Variants in COL19A1 observed in about 807,000 individuals in gnomAD.
The protein encoded by COL19A1 is collagen type XIX alpha 1 chain.
In COL19A1, 159 loss-of-function variants were observed where a neutral mutation model predicts 190.2. That is an observed-to-expected ratio of 0.84 (90% CI 0.73 to 0.95). The LOEUF (loss-of-function observed/expected upper bound fraction) is 0.95, where lower values mean the gene tolerates loss of function less well. Ranked by LOEUF, COL19A1 falls within the 40% of genes least tolerant of loss-of-function variation. The pLI, the probability that COL19A1 is intolerant of heterozygous loss-of-function variation, is 0.00. For missense variants in COL19A1, 1,418 were observed against 1,431.9 expected (o/e 0.99, Z 0.16); for synonymous variants, 509 against 458.9 (o/e 1.11, Z -1.39).
At chr6:69,971,391 C>T (rs3793033) in intron 11 of COL19A1, among the ~76,000 whole-genome samples, 1 of 151,904 alleles carries the variant, frequency 6.6e-6, no homozygotes, top group South Asian at 2.1e-4. Flanking sequence ...GTTGGAGTTT[C>T]CTGAAGAGTT....
At chr6:70,074,680 TAG>T (rs1781771387) in intron 15 of COL19A1, among the ~76,000 whole-genome samples, 1 of 152,156 alleles carries the variant, frequency 6.6e-6, no homozygotes, top group African/African-American at 2.4e-5. Context: ...GCTTGAATTT[TAG>T]AGAGGAGTCT....
At chr6:70,002,595 T>A (rs922015414) in intron 11 of COL19A1, among the ~76,000 whole-genome samples, 25 of 150,326 alleles carry the variant, frequency 1.7e-4, no homozygotes, top group Non-Finnish European at 3.4e-4. Context: ...GGGTGTTTTT[T>A]AAAATATATT....
At chr6:70,016,923 G>A (rs1452279070) in intron 11 of COL19A1, among the ~76,000 whole-genome samples, 5 of 151,962 alleles carry the variant, frequency 3.3e-5, no homozygotes, top group Admixed American at 3.3e-4. Context: ...AATGTAAAAT[G>A]GCACTTTGGA....
chr6:70,063,865 T>A (rs1487628305), intron 14 of COL19A1, among the ~76,000 whole-genome samples: 1 of 152,106 alleles, frequency 6.6e-6, no homozygotes, highest in Non-Finnish European at 1.5e-5. Flanking sequence ...GGAAATAAAC[T>A]AGAAAATCTA....
chr6:70,121,995 G>T, intron 17 of COL19A1, 53 bp downstream of exon 17: 2 of 1,210,292 alleles, frequency 1.7e-6, no homozygotes, highest in Non-Finnish European at 2.3e-6. Flanking sequence ...TTATATGATT[G>T]TATTTTTGAA....
chr6:70,118,469 C>T (rs1257329145), intron 16 of COL19A1, among the ~76,000 whole-genome samples: 1 of 152,094 alleles, frequency 6.6e-6, no homozygotes, highest in African/African-American at 2.4e-5. Context: ...TCCTTCGGAC[C>T]GCTAGGAGAG....
chr6:70,029,001 T>C (rs923266378), intron 12 of COL19A1, among the ~76,000 whole-genome samples: 1 of 152,180 alleles, frequency 6.6e-6, no homozygotes, highest in African/African-American at 2.4e-5. Context: ...TTTCTGAATC[T>C]ATATTATGGT....
intron 9 of COL19A1, among the ~76,000 whole-genome samples, chr6:69,951,750 C>T (rs1284854382): frequency 3.3e-5 from 5 of 151,812 alleles, no homozygotes; most frequent in Non-Finnish European, 7.4e-5. Context: ...CCTTACAACA[C>T]CCCTGTGAGG....
intron 2 of COL19A1, among the ~76,000 whole-genome samples, chr6:69,891,900 A>AT: frequency 6.6e-6 from 1 of 152,270 alleles, no homozygotes; most frequent in Admixed American, 6.5e-5. Context: ...CCTAAGATCC[A>AT]TTTTTCTATC....
At chr6:70,020,268 C>T (rs1225738845) in intron 11 of COL19A1, among the ~76,000 whole-genome samples, 1 of 151,920 alleles carries the variant, frequency 6.6e-6, no homozygotes, top group African/African-American at 2.4e-5. Flanking sequence ...ATATTTTCCC[C>T]CAATTTGTTA....
chr6:70,206,018 T>C (rs1251605344), intron 49 of COL19A1, among the ~76,000 whole-genome samples: 1 of 152,220 alleles, frequency 6.6e-6, no homozygotes, highest in Admixed American at 6.5e-5. Context: ...ATGTTTATAG[T>C]TGATCATTTG....
chr6:70,175,681 A>C (rs967039211), intron 41 of COL19A1, among the ~76,000 whole-genome samples: 18 of 151,974 alleles, frequency 1.2e-4, no homozygotes, highest in African/African-American at 4.1e-4. Context: ...CTTTATTATT[A>C]TTCTTTTAAT....
At chr6:70,115,820 G>GTTTTTTT (rs1562188351) in intron 16 of COL19A1, among the ~76,000 whole-genome samples, 3 of 78,716 alleles carry the variant, frequency 3.8e-5, no homozygotes, top group African/African-American at 1.9e-4. Flanking sequence ...GTTTTTTGGT[G>GTTTTTTT]TTTTGTTTTT....
intron 11 of COL19A1, among the ~76,000 whole-genome samples, chr6:69,965,430 T>TA (rs951245716): frequency 2.0e-5 from 3 of 152,024 alleles, no homozygotes; most frequent in South Asian, 2.1e-4. Flanking sequence ...CCATTATGGC[T>TA]AAAAAAAACT....
intron 11 of COL19A1, among the ~76,000 whole-genome samples, chr6:70,021,541 G>A (rs1415211984): frequency 6.6e-6 from 1 of 152,064 alleles, no homozygotes; most frequent in African/African-American, 2.4e-5. Context: ...AACATATTTT[G>A]TATTGGTATT....
chr6:70,030,664 T>G (rs560698275), intron 12 of COL19A1, among the ~76,000 whole-genome samples: 39 of 152,376 alleles, frequency 2.6e-4, no homozygotes, highest in African/African-American at 8.2e-4. Flanking sequence ...GTCTTTTCTC[T>G]GCATAGTTTT....
chr6:70,042,103 A>T (rs925250068), intron 14 of COL19A1, among the ~76,000 whole-genome samples: 1 of 152,184 alleles, frequency 6.6e-6, no homozygotes, highest in African/African-American at 2.4e-5. Flanking sequence ...TCTTGAAGCC[A>T]AAATTCAGAA....
At chr6:70,078,653 G>A (rs141278244) in intron 15 of COL19A1, among the ~76,000 whole-genome samples, 2,212 of 152,246 alleles carry the variant, frequency 0.015, 26 homozygotes, top group Non-Finnish European at 0.02. Flanking sequence ...ACCCTAGCCT[G>A]GCACCAACTG....
At chr6:69,930,820 CAAACA>C (rs1371080971) in intron 6 of COL19A1, among the ~76,000 whole-genome samples, 2 of 151,948 alleles carry the variant, frequency 1.3e-5, no homozygotes, top group Non-Finnish European at 2.9e-5. Flanking sequence ...AACAAACAAA[CAAACA>C]AAAGAATTGA....
Sources: gnomAD v4.1 joint callset for allele counts (sites outside exome capture counted in the v4.1 genomes callset) on GRCh38, gnomAD v4.1.1 for gene constraint, MANE v1.5 for transcripts, NCBI Gene and HGNC (gene_info 2026-07-23, HGNC 2026-07-21) for gene names.